The following OLFM3 variants were observed in gnomAD, a reference collection of about 807,000 sequenced individuals.
The protein encoded by OLFM3 is olfactomedin 3, also known as noelin-3.
OLFM3 carries 20 observed loss-of-function variants against 48.6 expected under a neutral mutation model. The ratio of observed to expected loss-of-function variants is 0.41; its 90% CI spans 0.29 to 0.60. The LOEUF is 0.60. Among genes scored for constraint, OLFM3 ranks in the 20% least tolerant of loss-of-function variants. The pLI, the probability that OLFM3 is intolerant of heterozygous loss-of-function variation, is 0.28. For missense variants in OLFM3, 437 were observed against 544.3 expected, an observed-to-expected ratio of 0.80 and a Z score of 1.96; for synonymous variants, 222 against 198.1, an observed-to-expected ratio of 1.12 and a Z score of -1.01.
intron 1 of OLFM3, among the ~76,000 whole-genome samples, chr1:101,941,227 C>A (rs2101059450): frequency 6.6e-6 from 1 of 152,218 alleles, no homozygotes; most frequent in Middle Eastern, 3.4e-3. Flanking sequence ...GAGTTACTGG[C>A]ACCTAGGTCC....
chr1:101,966,824 A>G (rs1349595189), intron 1 of OLFM3, among the ~76,000 whole-genome samples: 3 of 152,194 alleles, frequency 2.0e-5, no homozygotes, highest in Non-Finnish European at 4.4e-5. Context: ...TGTATTTAAA[A>G]TACTTTTCCT....
At chr1:101,898,474 A>T (rs1048519647) in intron 1 of OLFM3, among the ~76,000 whole-genome samples, 3 of 152,186 alleles carry the variant, frequency 2.0e-5, no homozygotes, top group Admixed American at 6.5e-5. Context: ...TGACTTCTCC[A>T]TGTTTAAGGG....
intron 1 of OLFM3, among the ~76,000 whole-genome samples, chr1:101,986,240 A>T (rs1210183875): frequency 1.3e-5 from 2 of 152,146 alleles, no homozygotes; most frequent in Admixed American, 6.5e-5. Context: ...CTGGGATTAC[A>T]GGAGTGAGCC....
At chr1:101,815,413 T>C (rs6680393) in intron 4 of OLFM3, among the ~76,000 whole-genome samples, 95,638 of 149,452 alleles carry the variant, frequency 0.64, 30,776 homozygotes, top group East Asian at 0.65. Flanking sequence ...CGCCACTGCA[T>C]TCCAGCCTGG....
intron 4 of OLFM3, among the ~76,000 whole-genome samples, chr1:101,814,024 G>A (rs934040672): frequency 2.6e-5 from 4 of 152,136 alleles, no homozygotes; most frequent in Non-Finnish European, 5.9e-5. Context: ...GTATGAAAAT[G>A]TCCTTTACTT....
intron 1 of OLFM3, among the ~76,000 whole-genome samples, chr1:101,908,351 AAC>A (rs1231094151): frequency 6.6e-6 from 1 of 152,218 alleles, no homozygotes; most frequent in Admixed American, 6.5e-5. Context: ...CATTATGAGG[AAC>A]AGTCCAAACC....
At chr1:101,828,080 C>CTCTT (rs1557691497) in intron 3 of OLFM3, among the ~76,000 whole-genome samples, 2 of 149,312 alleles carry the variant, frequency 1.3e-5, no homozygotes, top group Non-Finnish European at 3.0e-5. Flanking sequence ...CTCTCTCTCT[C>CTCTT]CTCCTGCCTT....
chr1:101,851,246 A>G (rs1656211195), intron 1 of OLFM3, among the ~76,000 whole-genome samples: 1 of 152,144 alleles, frequency 6.6e-6, no homozygotes, highest in African/African-American at 2.4e-5. Flanking sequence ...CTTACTAGAA[A>G]GATACCATTG....
chr1:101,951,782 G>A (rs982562165), intron 1 of OLFM3, among the ~76,000 whole-genome samples: 2 of 152,064 alleles, frequency 1.3e-5, no homozygotes, highest in African/African-American at 4.8e-5. Context: ...TTAAGATAAG[G>A]GAGTGTTTTG....
At chr1:101,868,705 G>A (rs909499385) in intron 1 of OLFM3, among the ~76,000 whole-genome samples, 3 of 152,184 alleles carry the variant, frequency 2.0e-5, no homozygotes, top group African/African-American at 7.2e-5. Flanking sequence ...GCATGTTATG[G>A]TGGCTCTTCC....
intron 1 of OLFM3, among the ~76,000 whole-genome samples, chr1:101,954,426 T>A (rs192749460): frequency 1.3e-5 from 2 of 152,180 alleles, no homozygotes; most frequent in Non-Finnish European, 2.9e-5. Flanking sequence ...TATTGTGAAA[T>A]CAAAGTGGAT....
intron 1 of OLFM3, among the ~76,000 whole-genome samples, chr1:101,958,453 A>G (rs1043889300): frequency 1.3e-5 from 2 of 152,088 alleles, no homozygotes; most frequent in African/African-American, 4.8e-5. Context: ...CATATAATTT[A>G]TTAGTGTTGA....
intron 1 of OLFM3, among the ~76,000 whole-genome samples, chr1:101,916,736 A>G (rs1026076691): frequency 6.6e-6 from 1 of 152,152 alleles, no homozygotes; most frequent in African/African-American, 2.4e-5. Flanking sequence ...TTCTTTTTAA[A>G]CATAAATCAT....
At chr1:101,820,284 A>T (rs1244605358) in intron 4 of OLFM3, among the ~76,000 whole-genome samples, 2 of 152,040 alleles carry the variant, frequency 1.3e-5, no homozygotes, top group Non-Finnish European at 2.9e-5. Context: ...ATGGCACCAA[A>T]CCATTGCCCT....
intron 1 of OLFM3, among the ~76,000 whole-genome samples, chr1:101,952,213 T>G (rs1051813269): frequency 6.6e-6 from 1 of 152,154 alleles, no homozygotes; most frequent in Admixed American, 6.5e-5. Context: ...AAAGTATAAT[T>G]TCTTATTTTC....
chr1:101,964,376 T>C (rs1474891996), intron 1 of OLFM3, among the ~76,000 whole-genome samples: 1 of 152,206 alleles, frequency 6.6e-6, no homozygotes, highest in Non-Finnish European at 1.5e-5. Flanking sequence ...GTTTATCTTT[T>C]GGATAATGGG....
intron 1 of OLFM3, among the ~76,000 whole-genome samples, chr1:101,900,663 T>C (rs1298779411): frequency 6.6e-6 from 1 of 151,798 alleles, no homozygotes; most frequent in Non-Finnish European, 1.5e-5. Context: ...AAAAAAATGG[T>C]AGAGTTAGTG....
intron 1 of OLFM3, among the ~76,000 whole-genome samples, chr1:101,980,219 A>C (rs990019869): frequency 4.6e-5 from 7 of 152,128 alleles, no homozygotes; most frequent in Admixed American, 2.6e-4. Context: ...TTAATGCCTG[A>C]ATGAGTTAAG....
At chr1:101,944,502 ATCT>A (rs1659894701) in intron 1 of OLFM3, among the ~76,000 whole-genome samples, 1 of 152,162 alleles carries the variant, frequency 6.6e-6, no homozygotes, top group East Asian at 1.9e-4. Flanking sequence ...ATATGGATAA[ATCT>A]AACTCTCCTC....
Sources: gnomAD v4.1 joint callset for allele counts (sites outside exome capture counted in the v4.1 genomes callset) on GRCh38, gnomAD v4.1.1 for gene constraint, MANE v1.5 for transcripts, NCBI Gene and HGNC (gene_info 2026-07-23, HGNC 2026-07-21) for gene names.